The following LPP variants were observed in gnomAD, a reference collection of about 807,000 sequenced individuals.
LPP encodes the protein lipoma-preferred partner.
In LPP, 38 loss-of-function variants were observed where a neutral mutation model predicts 60.4. The ratio of observed to expected loss-of-function variants is 0.63; its 90% CI spans 0.49 to 0.83. The LOEUF is 0.83. Ranked by LOEUF, LPP falls within the 40% of genes least tolerant of loss-of-function variation. LPP has a pLI of 0.00. For synonymous variants in LPP, 328 were observed against 290.8 expected (o/e 1.13, Z -1.30); for missense variants, 902 against 783.6 (o/e 1.15, Z -1.80).
intron 7 of LPP, among the ~76,000 whole-genome samples, chr3:188,664,163 C>T (rs1481911184): frequency 6.6e-6 from 1 of 152,182 alleles, no homozygotes; most frequent in East Asian, 1.9e-4. Context: ...TTTTTCAGAT[C>T]CTTGAGCTAA....
intron 3 of LPP, among the ~76,000 whole-genome samples, chr3:188,395,232 A>T (rs1780632258): frequency 6.6e-6 from 1 of 152,072 alleles, no homozygotes; most frequent in Non-Finnish European, 1.5e-5. Flanking sequence ...TTAAAAACTT[A>T]TTTAGAGACA....
chr3:188,504,927 C>T (rs1384248374), intron 5 of LPP, among the ~76,000 whole-genome samples: 2 of 152,192 alleles, frequency 1.3e-5, no homozygotes, highest in East Asian at 3.9e-4. Flanking sequence ...ATGTTCAGTC[C>T]ACAGATCCTT....
chr3:188,175,155 T>C (rs563477482), intron 1 of LPP, among the ~76,000 whole-genome samples: 15 of 152,286 alleles, frequency 9.8e-5, no homozygotes, highest in Non-Finnish European at 1.8e-4. Flanking sequence ...CGTGGGTTCT[T>C]GGCTCACTGC....
chr3:188,522,267 A>G (rs1340193507), intron 5 of LPP, among the ~76,000 whole-genome samples: 2 of 152,194 alleles, frequency 1.3e-5, no homozygotes, highest in South Asian at 2.1e-4. Flanking sequence ...AAGAAAATCT[A>G]TCAATTTCAC....
intron 1 of LPP, among the ~76,000 whole-genome samples, chr3:188,194,384 G>T (rs1459388027): frequency 1.3e-5 from 2 of 152,166 alleles, no homozygotes; most frequent in Non-Finnish European, 2.9e-5. Context: ...TTGGGCTGGA[G>T]AAATGTTTTC....
At chr3:188,798,649 A>G (rs1746094438) in intron 9 of LPP, among the ~76,000 whole-genome samples, 1 of 152,148 alleles carries the variant, frequency 6.6e-6, no homozygotes, top group African/African-American at 2.4e-5. Context: ...GGTACTGCTC[A>G]GTGAGGGGAG....
Position 188,676,717 on chromosome 3 carries a change from A to G in LPP, c.1114-31550A>G, listed in dbSNP as rs144504833. Among the ~76,000 whole-genome samples the G allele has an allele frequency of 2.9e-3, 437 of 152,284 alleles. 1 individual carries two copies. Among genetic ancestry groups the G allele is most frequent in the Middle Eastern group, 6.8e-3 (2 of 294 alleles). ...ATCCTTATACAGAGGGAACAAAATG[A>G]CATTAGACAGACTCTAAGGTGCCCT... On this transcript the variant is annotated intron_variant, in intron 7 of 11. Coordinates refer to ENST00000617246, the MANE Select transcript of LPP (RefSeq NM_001375462.1).
chr3:188,247,814 A>AG (rs1318496852), intron 2 of LPP, among the ~76,000 whole-genome samples: 1 of 152,000 alleles, frequency 6.6e-6, no homozygotes, highest in East Asian at 1.9e-4. Flanking sequence ...AAAAAAAAAA[A>AG]AAAGATGTGA....
intron 6 of LPP, among the ~76,000 whole-genome samples, chr3:188,548,467 T>C (rs1827242489): frequency 1.3e-5 from 2 of 152,298 alleles, no homozygotes; most frequent in South Asian, 4.1e-4. Context: ...TCATATTGCA[T>C]GGATTGAGGG....
At chr3:188,225,839 C>T (rs984410823) in intron 2 of LPP, among the ~76,000 whole-genome samples, 3 of 152,112 alleles carry the variant, frequency 2.0e-5, no homozygotes, top group African/African-American at 7.2e-5. Context: ...ATTGTATTGC[C>T]TCCTTCTTTC....
intron 6 of LPP, among the ~76,000 whole-genome samples, chr3:188,571,197 C>G (rs1833461983): frequency 6.6e-6 from 1 of 152,072 alleles, no homozygotes; most frequent in Non-Finnish European, 1.5e-5. Context: ...ATTTGGCCCT[C>G]CCATGTTTAG....
intron 5 of LPP, among the ~76,000 whole-genome samples, chr3:188,517,529 G>C (rs1005767471): frequency 6.6e-6 from 1 of 152,188 alleles, no homozygotes; most frequent in Non-Finnish European, 1.5e-5. Context: ...CTTGGTGCCT[G>C]TATGAGTCTG....
intron 4 of LPP, among the ~76,000 whole-genome samples, chr3:188,474,402 G>T (rs959926772): frequency 3.9e-5 from 6 of 152,166 alleles, no homozygotes; most frequent in Non-Finnish European, 8.8e-5. Context: ...GCATTGACAT[G>T]CATTGACATG....
At chr3:188,521,470 G>A (rs1392822319) in intron 5 of LPP, among the ~76,000 whole-genome samples, 1 of 152,098 alleles carries the variant, frequency 6.6e-6, no homozygotes, top group African/African-American at 2.4e-5. Flanking sequence ...GTCAGTTGAT[G>A]TACTTTCTGC....
intron 1 of LPP, among the ~76,000 whole-genome samples, chr3:188,201,286 C>G (rs1365095486): frequency 6.6e-6 from 1 of 152,212 alleles, no homozygotes; most frequent in African/African-American, 2.4e-5. Flanking sequence ...ATGCCCTACA[C>G]AGCAGGCTCA....
chr3:188,609,476 C>T lies in LPP; in HGVS notation c.745C>T (p.Gln249Ter). ...AGGACAAATTTATGGCTCAGGGCCCCAGGGCTATAACACTCAGCCAGTTCC... is the reference window on the plus strand; with the variant it reads ...AGGACAAATTTATGGCTCAGGGCCCTAGGGCTATAACACTCAGCCAGTTCC... ...SSGQIYGSGPQGYNTQPVPVS... is the reference protein window; with the variant it reads ...SSGQIYGSGP The change falls in exon 7 of 12, where the codon CAG becomes TAG. Residue 249 changes from glutamine to a stop codon, truncating the protein, a stop_gained. Coordinates refer to ENST00000617246, the MANE Select transcript of LPP (RefSeq NM_001375462.1). LOFTEE classifies it high-confidence loss of function. The surrounding 1 kb of genome is among the most constrained non-coding windows in gnomAD (Gnocchi z 6.9). 1.2e-6 allele frequency: 2 copies of T among 1,614,156 alleles called. No homozygotes were observed. The highest frequency in any genetic ancestry group is 1.7e-6 in the Non-Finnish European group (2 of 1,180,020).
At chr3:188,502,674 G>T (rs1812256105) in intron 5 of LPP, among the ~76,000 whole-genome samples, 2 of 152,122 alleles carry the variant, frequency 1.3e-5, no homozygotes, top group Admixed American at 1.3e-4. Context: ...ATGGGGTTAT[G>T]TCCCACTAAA....
chr3:188,609,870 GAGA>G lies in LPP; in HGVS notation c.1113+28_1113+30del, dbSNP rs1843315606. ...GTAAGAAACTCAGTAACATAAGGAG[GAGA>G]ATACAGGGGTGCCTATCTTAGTCTG... On this transcript the variant is annotated intron_variant, in intron 7 of 11. Transcript: ENST00000617246. This position sits in a 1 kb window ranked among gnomAD's most constrained non-coding sequence, Gnocchi z 6.9. 6.3e-7 allele frequency: 1 copy of G among 1,583,408 alleles called. No homozygotes were observed. The highest frequency in any genetic ancestry group is 1.4e-5 in the African/African-American group (1 of 73,940).
At chr3:188,639,592 G>A (rs1326098939) in intron 7 of LPP, among the ~76,000 whole-genome samples, 13 of 148,986 alleles carry the variant, frequency 8.7e-5, no homozygotes, top group African/African-American at 3.2e-4. Flanking sequence ...CTACAAAATG[G>A]GAGAAAATTT....
Sources: gnomAD v4.1 joint callset for allele counts (sites outside exome capture counted in the v4.1 genomes callset) on GRCh38, gnomAD v4.1.1 for gene constraint, Gnocchi (gnomAD v3.1) non-coding constraint, MANE v1.5 for transcripts, NCBI Gene and HGNC (gene_info 2026-07-23, HGNC 2026-07-21) for gene names.